Variants in RCBTB2 observed in about 807,000 individuals in gnomAD.
RCBTB2 encodes the protein RCC1 and BTB domain-containing protein 2.
Under a neutral mutation model 65.4 loss-of-function variants are expected in RCBTB2, and 55 were observed. That is an observed-to-expected ratio of 0.84 (90% CI 0.68 to 1.05). The LOEUF is 1.05. Among genes scored for constraint, RCBTB2 ranks in the 50% least tolerant of loss-of-function variants. The probability of loss-of-function intolerance (pLI) is 0.00; values close to 1 mark genes in which losing one functional copy is unlikely to be tolerated. For synonymous variants in RCBTB2, 220 were observed against 255.2 expected (o/e 0.86, Z 1.31); for missense variants, 599 against 680.1 (o/e 0.88, Z 1.33).
chr13:48,493,225 T>TCA (rs3085589), intron 14 of RCBTB2, among the ~76,000 whole-genome samples: 8,011 of 109,010 alleles, frequency 0.073, 445 homozygotes, highest in Admixed American at 0.2. Context: ...GTACCCTCCT[T>TCA]CACACACACA....
At chr13:48,525,184 C>A (rs1049261480) in intron 1 of RCBTB2, among the ~76,000 whole-genome samples, 11 of 151,324 alleles carry the variant, frequency 7.3e-5, no homozygotes, top group Non-Finnish European at 1.3e-4. Context: ...GACAGGAAAG[C>A]ATAAAACACA....
At chr13:48,508,412 G>GATTTTTTTTT (rs1950610181) in intron 10 of RCBTB2, among the ~76,000 whole-genome samples, 1 of 143,720 alleles carries the variant, frequency 7.0e-6, no homozygotes, top group African/African-American at 2.6e-5. Context: ...ATTCATCCAT[G>GATTTTTTTTT]TTTTTTTTTT....
At chr13:48,519,734 T>C (rs543163126) in intron 4 of RCBTB2, among the ~76,000 whole-genome samples, 1 of 152,314 alleles carries the variant, frequency 6.6e-6, no homozygotes, top group South Asian at 2.1e-4. Context: ...ACAACAGAGA[T>C]GTGAATACAT....
intron 14 of RCBTB2, among the ~76,000 whole-genome samples, chr13:48,492,896 A>G (rs1190435280): frequency 6.6e-6 from 1 of 152,048 alleles, no homozygotes; most frequent in Non-Finnish European, 1.5e-5. Context: ...TGCTTATCCA[A>G]TTTGCTTATT....
At chr13:48,528,528 C>T in intron 1 of RCBTB2, among the ~76,000 whole-genome samples, 1 of 152,004 alleles carries the variant, frequency 6.6e-6, no homozygotes, top group Non-Finnish European at 1.5e-5. Flanking sequence ...TTTTAGGGTA[C>T]CAGCATGCAG....
chr13:48,508,332 G>T (rs1950605899), intron 10 of RCBTB2, among the ~76,000 whole-genome samples: 2 of 152,068 alleles, frequency 1.3e-5, no homozygotes, highest in Admixed American at 1.3e-4. Context: ...TTGAAACTGT[G>T]CAAGTTCAGA....
intron 14 of RCBTB2, among the ~76,000 whole-genome samples, chr13:48,494,145 T>C (rs1949870209): frequency 1.3e-5 from 2 of 152,206 alleles, no homozygotes; most frequent in African/African-American, 4.8e-5. Context: ...ATAATGCCTA[T>C]GTCATATAAG....
At chr13:48,525,057 C>A (rs916508466) in intron 1 of RCBTB2, among the ~76,000 whole-genome samples, 1 of 151,574 alleles carries the variant, frequency 6.6e-6, no homozygotes, top group Non-Finnish European at 1.5e-5. Flanking sequence ...ATAGTATTTC[C>A]ATATGGAAAA....
In RCBTB2 at chr13:48,489,358, T is replaced by A. The variant is rs907530199; in HGVS notation, c.*753A>T. 6.6e-6 allele frequency: 1 copy of A among 152,198 alleles called. No homozygotes were observed. The highest frequency in any genetic ancestry group is 1.5e-5 in the Non-Finnish European group (1 of 68,034). 9.4% of individuals were successfully genotyped at this position (152,198 alleles called of 1,614,324 possible). ...AGAAAAGCAAAGGACCTTATGTGAT[T>A]ATGTAAGGCAGATCAGCCCAGGAAT... On this transcript the variant is annotated 3_prime_UTR_variant, in exon 15 of 15. Coordinates refer to ENST00000344532, the MANE Select transcript of RCBTB2 (RefSeq NM_001268.4).
At position 48,521,891 on chromosome 13, in the gene RCBTB2, T is replaced by C. The variant is rs776718942; in HGVS notation, c.42+7A>G. 6.2e-7 allele frequency: 1 copy of C among 1,613,620 alleles called. No homozygotes were observed. ...CACATGCTCCAAGGGCATGATTTTT[T>C]TCTAACCTTGCCACTGTCTCCAGAG... On this transcript the variant is annotated splice_region_variant and intron_variant, in intron 4 of 14. Transcript: ENST00000344532.
At chr13:48,531,988 G>C (rs1036456758) in intron 1 of RCBTB2, 1 of 152,226 alleles carries the variant, frequency 6.6e-6, no homozygotes, top group Admixed American at 6.5e-5. Flanking sequence ...GTGTCTGGGG[G>C]AAAGAGCAAC....
Position 48,511,811 on chromosome 13 carries a change from G to A in RCBTB2, c.742C>T (p.Pro248Ser). ...CCTTGCAAAGCTGCCACTCTGCAAG[G>A]GGTTGGCTGGTTGCCACTGTTGCCG... The part of the protein sequence containing the change: ...GLGNSGNQPT[P>S]CRVAALQGIR... Residue 248 changes from proline to serine, a missense_variant, in exon 9 of 15, where the codon CCT (proline) becomes TCT (serine). Pro to Ser is a moderately conservative substitution (Grantham distance 74, BLOSUM62 -1). Coordinates refer to ENST00000344532, the MANE Select transcript of RCBTB2 (RefSeq NM_001268.4). 1.9e-6 allele frequency: 3 copies of A among 1,614,174 alleles called. No individual in the cohort carries two copies. The South Asian group carries it at 3.3e-5, about 18-fold the overall frequency.
chr13:48,498,005 G>T (rs942693934), intron 13 of RCBTB2, among the ~76,000 whole-genome samples: 1 of 152,200 alleles, frequency 6.6e-6, no homozygotes, highest in African/African-American at 2.4e-5. Flanking sequence ...CCACACTTTG[G>T]GTACCTGGGA....
rs1219668469 is a variant in RCBTB2 at position 48,533,038 on chromosome 13, G to T, written c.-229C>A. 4.4e-6 allele frequency: 2 copies of T among 454,688 alleles called. No individual in the cohort carries two copies. Among genetic ancestry groups the T allele is most frequent in the South Asian group, 1.5e-5 (1 of 64,550 alleles). The allele number at this position is 454,688 out of a possible 1,614,324, so 28.2% of individuals were successfully genotyped here. On this transcript the variant is annotated 5_prime_UTR_variant, in exon 1 of 15. Coordinates refer to ENST00000344532, the MANE Select transcript of RCBTB2 (RefSeq NM_001268.4). ...CCTCCACCCTCTTACCTCCTCGCAG[G>T]CCGGAGCCTTGTCCGCTCCGCCTCC... is the stretch of plus-strand genomic sequence containing the variant.
In RCBTB2 at chr13:48,512,905, AAAAG is replaced by A. The variant is rs1950884178; in HGVS notation, c.350-14_350-11del. On this transcript the variant is annotated splice_polypyrimidine_tract_variant and intron_variant, in intron 6 of 14. Coordinates refer to ENST00000344532, the MANE Select transcript of RCBTB2 (RefSeq NM_001268.4). ...GTAAAGACTTCTCCTTCTGAAAATA[AAAAG>A]AAAGACAATCAGTTTTTTACAACAT... The A allele has an allele frequency of 6.2e-7, 1 of 1,600,076 alleles. No homozygotes were observed. Among genetic ancestry groups the A allele is most frequent in the Non-Finnish European group, 8.5e-7 (1 of 1,171,890 alleles).
At position 48,512,141 on chromosome 13, in the gene RCBTB2, C is replaced by T. The variant is rs1950835839; in HGVS notation, c.550G>A (p.Val184Ile). The T allele has an allele frequency of 6.2e-7, 1 of 1,614,018 alleles. No individual in the cohort carries two copies. The highest frequency in any genetic ancestry group is 1.1e-5 in the South Asian group (1 of 91,090). Residue 184 changes from valine to isoleucine, a missense_variant, in exon 8 of 15, where the codon GTA becomes ATA. Physicochemically the swap from Val to Ile is conservative, Grantham distance 29 (BLOSUM62 3). Transcript: ENST00000344532. ...FAWGYNNSGQ[V>I]GSGSTVNQPI... ...TGATTAACTGTTGATCCAGATCCTA[C>T]CTGCCCAGAGTTATTATAACCCCAG...
intron 1 of RCBTB2, among the ~76,000 whole-genome samples, chr13:48,530,733 C>T (rs9591169): frequency 8.5e-4 from 130 of 152,372 alleles, no homozygotes; most frequent in African/African-American, 3.0e-3. Flanking sequence ...AGATGTCTGG[C>T]TAGCTCTTCC....
chr13:48,519,370 GT>G (rs1566316769), intron 4 of RCBTB2, among the ~76,000 whole-genome samples: 1 of 152,064 alleles, frequency 6.6e-6, no homozygotes, highest in Non-Finnish European at 1.5e-5. Context: ...TTTATATTTC[GT>G]CCTGCTCTGC....
At chr13:48,527,391 T>TTATATATGATATATATA (rs1951863311) in intron 1 of RCBTB2, among the ~76,000 whole-genome samples, 1 of 125,718 alleles carries the variant, frequency 8.0e-6, no homozygotes, top group Non-Finnish European at 1.5e-5. Flanking sequence ...TGATATATAT[T>TTATATATGATATATATA]TATATTAAAA....
Sources: gnomAD v4.1 joint callset for allele counts (sites outside exome capture counted in the v4.1 genomes callset) on GRCh38, gnomAD v4.1.1 for gene constraint, MANE v1.5 for transcripts, NCBI Gene and HGNC (gene_info 2026-07-23, HGNC 2026-07-21) for gene names.